Variants in IRAK1BP1 observed in about 807,000 individuals in gnomAD.
IRAK1BP1 encodes the protein interleukin-1 receptor-associated kinase 1-binding protein 1.
A neutral mutation model predicts 28.0 loss-of-function variants in IRAK1BP1; 24 were observed. The observed-to-expected ratio is 0.86, with a 90% CI of 0.62 to 1.20. The LOEUF (loss-of-function observed/expected upper bound fraction) is 1.20, where lower values mean the gene tolerates loss of function less well. Ranked by LOEUF, IRAK1BP1 falls within the 50% of genes most tolerant of loss-of-function variation. IRAK1BP1 has a pLI of 0.00. For synonymous variants in IRAK1BP1, 131 were observed against 116.3 expected (o/e 1.13, Z -0.81); for missense variants, 336 against 316.7 (o/e 1.06, Z -0.46).
chr6:78,973,191 C>G, the IRAK1BP1 span, among the ~76,000 whole-genome samples: 2 of 152,098 alleles, frequency 1.3e-5, no homozygotes, highest in Middle Eastern at 3.2e-3. Context: ...AGCAGAAACT[C>G]TACAAGCCAG....
the IRAK1BP1 span, among the ~76,000 whole-genome samples, chr6:78,958,893 G>A: frequency 2.0e-5 from 3 of 152,194 alleles, no homozygotes; most frequent in African/African-American, 4.8e-5. Flanking sequence ...CAGGAGAGTA[G>A]AAAGGGGAGA....
At chr6:78,920,461 C>T (rs963324012) in intron 4 of IRAK1BP1, among the ~76,000 whole-genome samples, 1 of 152,082 alleles carries the variant, frequency 6.6e-6, no homozygotes, top group Non-Finnish European at 1.5e-5. Flanking sequence ...ATAGAGAACC[C>T]AGAAATAATG....
At chr6:78,915,367 T>G (rs1772532972) in intron 4 of IRAK1BP1, among the ~76,000 whole-genome samples, 1 of 152,138 alleles carries the variant, frequency 6.6e-6, no homozygotes, top group Non-Finnish European at 1.5e-5. Flanking sequence ...ATGACTAAAA[T>G]AAAGCCCAAA....
intron 4 of IRAK1BP1, among the ~76,000 whole-genome samples, chr6:78,924,651 T>C (rs796941788): frequency 9.2e-5 from 14 of 152,268 alleles, no homozygotes; most frequent in African/African-American, 3.1e-4. Context: ...CTGATGAACA[T>C]TGATGCAAAA....
At chr6:78,904,878 G>A (rs550616219), downstream of IRAK1BP1, among the ~76,000 whole-genome samples, 179 of 151,198 alleles carry the variant, frequency 1.2e-3, no homozygotes, top group Non-Finnish European at 2.0e-3. Flanking sequence ...AGCTCAATAC[G>A]TACAAAGTAA....
chr6:78,915,683 C>T (rs1772542079), intron 4 of IRAK1BP1, among the ~76,000 whole-genome samples: 1 of 152,200 alleles, frequency 6.6e-6, no homozygotes, highest in Non-Finnish European at 1.5e-5. Flanking sequence ...CTTCATTCAA[C>T]CTTACTTCCT....
intron 4 of IRAK1BP1, chr6:78,940,938 T>C (rs1773470114): frequency 6.2e-7 from 1 of 1,614,078 alleles, no homozygotes; most frequent in East Asian, 2.2e-5. Context: ...TTTCGGTTAC[T>C]TCTCCTTAAC....
chr6:78,902,816 A>G lies in IRAK1BP1; in HGVS notation c.*4482A>G, dbSNP rs1266135680. The G allele has an allele frequency of 1.3e-5, 5 of 384,714 alleles. No individual in the cohort carries two copies. Among genetic ancestry groups the G allele is most frequent in the Non-Finnish European group, 2.3e-5 (5 of 215,620 alleles). 23.8% of individuals were successfully genotyped at this position (384,714 alleles called of 1,614,324 possible). ...CATACATACATACATACATACATAC[A>G]TACATAAAATGCCCAGTATCTTACA... On this transcript the variant is annotated 3_prime_UTR_variant, in exon 4 of 4. Transcript: ENST00000369940.
At chr6:78,976,031 G>T in the IRAK1BP1 span, among the ~76,000 whole-genome samples, 1 of 151,864 alleles carries the variant, frequency 6.6e-6, no homozygotes, top group Non-Finnish European at 1.5e-5. Context: ...CTACTTTAAA[G>T]TTCATATGGA....
chr6:78,957,069 A>T, the IRAK1BP1 span: 1 of 152,200 alleles, frequency 6.6e-6, no homozygotes, highest in Admixed American at 6.5e-5. Flanking sequence ...ACATCTAAAA[A>T]AATGCCATGG....
intron 1 of IRAK1BP1, among the ~76,000 whole-genome samples, chr6:78,876,660 G>A (rs890965540): frequency 5.3e-5 from 8 of 152,204 alleles, no homozygotes; most frequent in Non-Finnish European, 8.8e-5. Flanking sequence ...CTACCCATGG[G>A]GTGACCAGCA....
chr6:78,878,259 C>T (rs1211357383), intron 1 of IRAK1BP1, among the ~76,000 whole-genome samples: 4 of 152,160 alleles, frequency 2.6e-5, no homozygotes, highest in African/African-American at 9.7e-5. Context: ...GGCCAACTGA[C>T]ACCTCATACG....
intron 4 of IRAK1BP1, among the ~76,000 whole-genome samples, chr6:78,933,379 A>G (rs1160405338): frequency 6.6e-6 from 1 of 152,194 alleles, no homozygotes; most frequent in Non-Finnish European, 1.5e-5. Context: ...ACACTTTGGG[A>G]GGCTGAGGCG....
At chr6:78,967,875 C>CT in the IRAK1BP1 span, among the ~76,000 whole-genome samples, 2 of 152,120 alleles carry the variant, frequency 1.3e-5, no homozygotes, top group Admixed American at 6.6e-5. Context: ...TGGCTCATGC[C>CT]TGTAATCCTA....
the IRAK1BP1 span, among the ~76,000 whole-genome samples, chr6:78,968,748 A>C: frequency 1.3e-5 from 2 of 152,108 alleles, no homozygotes; most frequent in Admixed American, 6.5e-5. Flanking sequence ...TAATTGCTTC[A>C]TTTTTTTAAT....
At chr6:78,978,519 C>G in the IRAK1BP1 span, 7 of 1,234,110 alleles carry the variant, frequency 5.7e-6, no homozygotes, top group Non-Finnish European at 5.7e-6. Context: ...TTCCAGAAGT[C>G]TATTTCAAGA....
intron 1 of IRAK1BP1, among the ~76,000 whole-genome samples, chr6:78,884,417 C>A (rs1279035524): frequency 6.6e-6 from 1 of 152,008 alleles, no homozygotes; most frequent in Admixed American, 6.6e-5. Context: ...AATTTAAAAA[C>A]CCTTTTGGAA....
chr6:78,879,850 C>G (rs1407906311), intron 1 of IRAK1BP1, among the ~76,000 whole-genome samples: 1 of 152,182 alleles, frequency 6.6e-6, no homozygotes, highest in African/African-American at 2.4e-5. Context: ...GGACTCAGTC[C>G]CCTTCCTGCA....
chr6:78,950,532 G>A (rs547339571), downstream of IRAK1BP1, among the ~76,000 whole-genome samples: 1 of 152,268 alleles, frequency 6.6e-6, no homozygotes, highest in East Asian at 1.9e-4. Flanking sequence ...TAGGGTTACT[G>A]AGTTATTTGC....
Sources: allele counts gnomAD v4.1 joint callset (sites outside exome capture counted in the v4.1 genomes callset), GRCh38; gene constraint gnomAD v4.1.1; transcripts MANE v1.5; gene names NCBI Gene and HGNC (gene_info 2026-07-23, HGNC 2026-07-21).